LAPTM4B: variants seen among roughly 807,000 people sequenced by gnomAD.
LAPTM4B encodes the protein lysosomal-associated transmembrane protein 4B.
LAPTM4B carries 26 observed loss-of-function variants against 28.5 expected under a neutral mutation model. The ratio of observed to expected loss-of-function variants is 0.91; its 90% confidence interval spans 0.67 to 1.27. The LOEUF is 1.27. Ranked by LOEUF, LAPTM4B falls within the 50% of genes most tolerant of loss-of-function variation. LAPTM4B has a pLI of 0.00. For missense variants in LAPTM4B, 288 were observed against 285.8 expected (o/e 1.01, Z -0.06); for synonymous variants, 109 against 106.4 (o/e 1.02, Z -0.15).
intron 6 of LAPTM4B, among the ~76,000 whole-genome samples, chr8:97,831,208 G>A (rs1817178857): frequency 6.6e-6 from 1 of 152,174 alleles, no homozygotes; most frequent in Non-Finnish European, 1.5e-5. Context: ...ATGAAGGCTG[G>A]ACTGTTACCA....
At chr8:97,819,727 C>CTTTTT (rs532220760) in intron 5 of LAPTM4B, among the ~76,000 whole-genome samples, 36 of 78,558 alleles carry the variant, frequency 4.6e-4, no homozygotes, top group African/African-American at 1.1e-3. Flanking sequence ...GATAAATTTC[C>CTTTTT]TTTTTTTTTT....
chr8:97,845,891 CCCCTCCCCTCCCCTTCCCTT>C (rs1563624238), intron 6 of LAPTM4B, among the ~76,000 whole-genome samples: 5 of 101,398 alleles, frequency 4.9e-5, no homozygotes, highest in South Asian at 4.7e-4. Context: ...CCCCTCCCCT[CCCCTCCCCTCCCCTTCCCTT>C]CGACAGGGTC....
At chr8:97,822,528 TTTTATTTATTTATTTA>T (rs57772211) in intron 5 of LAPTM4B, among the ~76,000 whole-genome samples, 29 of 143,324 alleles carry the variant, frequency 2.0e-4, no homozygotes, top group Middle Eastern at 3.4e-3. Flanking sequence ...ATGACTTCTA[TTTTATTTATTTATTTA>T]TTTATTTATT....
At chr8:97,806,003 G>A (rs907110778) in intron 2 of LAPTM4B, among the ~76,000 whole-genome samples, 6 of 152,152 alleles carry the variant, frequency 3.9e-5, no homozygotes, top group African/African-American at 7.2e-5. Context: ...ATTATGCCGA[G>A]TCCATGCCAA....
chr8:97,802,563 G>A (rs1816700098), intron 1 of LAPTM4B, among the ~76,000 whole-genome samples: 2 of 152,056 alleles, frequency 1.3e-5, no homozygotes, highest in South Asian at 2.1e-4. Context: ...CTGTTTTATC[G>A]GCATGGTCTT....
At chr8:97,790,850 G>A (rs1047796027) in intron 1 of LAPTM4B, among the ~76,000 whole-genome samples, 1 of 152,066 alleles carries the variant, frequency 6.6e-6, no homozygotes, top group Admixed American at 6.6e-5. Flanking sequence ...AGCAGTTCTC[G>A]TGTCTCAACT....
At chr8:97,790,166 G>A (rs6468589) in intron 1 of LAPTM4B, among the ~76,000 whole-genome samples, 64,364 of 146,548 alleles carry the variant, frequency 0.44, 13,859 homozygotes, top group Non-Finnish European at 0.46. Flanking sequence ...TAGTGCTGCA[G>A]TAAAATGGGA....
chr8:97,817,926 AC>A (rs957417586), intron 4 of LAPTM4B, among the ~76,000 whole-genome samples: 1 of 150,704 alleles, frequency 6.6e-6, no homozygotes, highest in African/African-American at 2.4e-5. Context: ...TGATCCTTCC[AC>A]CTTAGCCTCC....
intron 6 of LAPTM4B, among the ~76,000 whole-genome samples, chr8:97,849,820 C>G (rs1010641750): frequency 6.7e-6 from 1 of 149,212 alleles, no homozygotes. Flanking sequence ...CCCTGCCCGC[C>G]TGCCCGCCCC....
chr8:97,783,068 C>A (rs1816347531), intron 1 of LAPTM4B, among the ~76,000 whole-genome samples: 1 of 123,466 alleles, frequency 8.1e-6, no homozygotes, highest in African/African-American at 3.3e-5. Context: ...CCACCGCGCC[C>A]GGCCTTTTTT....
intron 6 of LAPTM4B, among the ~76,000 whole-genome samples, chr8:97,834,553 G>GTGTGTGTGTGTGTT (rs1434462307): frequency 6.6e-6 from 1 of 151,832 alleles, no homozygotes; most frequent in African/African-American, 2.4e-5. Flanking sequence ...CTGGTTGTGT[G>GTGTGTGTGTGTGTT]TGTGTGTGTG....
intron 1 of LAPTM4B, among the ~76,000 whole-genome samples, chr8:97,797,854 T>C (rs979295158): frequency 3.0e-4 from 46 of 152,204 alleles, no homozygotes; most frequent in African/African-American, 1.1e-3. Flanking sequence ...ACTTTAGAAA[T>C]TGGACAGAAG....
chr8:97,777,481 G>GGT (rs1245319566), intron 1 of LAPTM4B, among the ~76,000 whole-genome samples: 6 of 151,666 alleles, frequency 4.0e-5, no homozygotes, highest in East Asian at 1.9e-4. Context: ...AATGAGTTGG[G>GGT]GTGTGTGTGT....
chr8:97,816,328 T>G, intron 4 of LAPTM4B, 148 bp downstream of exon 4: 1 of 815,716 alleles, frequency 1.2e-6, no homozygotes, highest in Non-Finnish European at 1.9e-6. Context: ...TTTTTCTTTT[T>G]TTTGAGGTGG....
chr8:97,820,143 C>T (rs984527245), intron 5 of LAPTM4B, among the ~76,000 whole-genome samples: 2 of 152,172 alleles, frequency 1.3e-5, no homozygotes, highest in Non-Finnish European at 2.9e-5. Flanking sequence ...AGCAGTGCCT[C>T]ACCCTTATCA....
At chr8:97,814,234 G>T (rs1483782484) in intron 2 of LAPTM4B, among the ~76,000 whole-genome samples, 2 of 152,174 alleles carry the variant, frequency 1.3e-5, no homozygotes, top group African/African-American at 2.4e-5. Context: ...TGAAGGCCAG[G>T]CATGGTGGCT....
chr8:97,818,958 G>A (rs1294000491), intron 4 of LAPTM4B, among the ~76,000 whole-genome samples, 182 bp from the exon 5 acceptor site: 2 of 151,936 alleles, frequency 1.3e-5, no homozygotes, highest in South Asian at 2.1e-4. Flanking sequence ...CCTGGATACC[G>A]ATCACTGACG....
At chr8:97,814,090 G>A (rs1191868778) in intron 2 of LAPTM4B, among the ~76,000 whole-genome samples, 1 of 152,140 alleles carries the variant, frequency 6.6e-6, no homozygotes, top group Non-Finnish European at 1.5e-5. Flanking sequence ...GGTGACTTAT[G>A]CCTATAATCC....
At chr8:97,795,837 TAAAAAAAA>T (rs1190473113) in intron 1 of LAPTM4B, among the ~76,000 whole-genome samples, 1 of 114,132 alleles carries the variant, frequency 8.8e-6, no homozygotes, top group Admixed American at 9.7e-5. Flanking sequence ...ACTCTGTCTT[TAAAAAAAA>T]AAAAAAAAAA....
Sources: gnomAD v4.1 joint callset for allele counts (sites outside exome capture counted in the v4.1 genomes callset) on GRCh38, gnomAD v4.1.1 for gene constraint, MANE v1.5 for transcripts, NCBI Gene and HGNC (gene_info 2026-07-23, HGNC 2026-07-21) for gene names.